UNC5C: variants seen among roughly 807,000 people sequenced by gnomAD.
UNC5C encodes the protein netrin receptor UNC5C.
Under a neutral mutation model 99.8 loss-of-function variants are expected in UNC5C, and 47 were observed. That is an observed-to-expected ratio of 0.47 (90% CI 0.37 to 0.60). UNC5C has a LOEUF of 0.60. Ranked by LOEUF, UNC5C falls within the 20% of genes least tolerant of loss-of-function variation. The pLI, the probability that UNC5C is intolerant of heterozygous loss-of-function variation, is 0.00. For synonymous variants in UNC5C, 487 were observed against 452.2 expected (o/e 1.08, Z -0.98); for missense variants, 1,062 against 1,165.9 (o/e 0.91, Z 1.30).
At chr4:95,512,018 G>T (rs543605434) in intron 1 of UNC5C, among the ~76,000 whole-genome samples, 5 of 152,142 alleles carry the variant, frequency 3.3e-5, no homozygotes, top group African/African-American at 1.2e-4. Flanking sequence ...TCAGACACTG[G>T]GCACCAAGTG....
At chr4:95,424,205 T>G (rs1272326039) in intron 1 of UNC5C, among the ~76,000 whole-genome samples, 1 of 152,036 alleles carries the variant, frequency 6.6e-6, no homozygotes, top group African/African-American at 2.4e-5. Context: ...TAAGATAACA[T>G]GAAAATAAAA....
intron 1 of UNC5C, among the ~76,000 whole-genome samples, chr4:95,442,467 C>G (rs1202596313): frequency 3.3e-5 from 5 of 150,584 alleles, no homozygotes. Context: ...CTTGGCCTCC[C>G]AAAGTGCTGG....
chr4:95,540,787 T>G (rs902866455), intron 1 of UNC5C, among the ~76,000 whole-genome samples: 1 of 152,214 alleles, frequency 6.6e-6, no homozygotes, highest in African/African-American at 2.4e-5. Flanking sequence ...TTACCATTAT[T>G]TACTTTGTAT....
chr4:95,307,250 A>C, intron 2 of UNC5C, among the ~76,000 whole-genome samples: 1 of 152,144 alleles, frequency 6.6e-6, no homozygotes, highest in African/African-American at 2.4e-5. Flanking sequence ...GTTTTAATTA[A>C]ATTTTTAATA....
intron 1 of UNC5C, among the ~76,000 whole-genome samples, chr4:95,403,378 G>T (rs1166882946): frequency 1.3e-5 from 2 of 152,086 alleles, no homozygotes; most frequent in African/African-American, 4.8e-5. Flanking sequence ...TCAGTAGCTG[G>T]GAGTCACACT....
chr4:95,197,274 C>G (rs1342595408), intron 12 of UNC5C, among the ~76,000 whole-genome samples: 1 of 151,522 alleles, frequency 6.6e-6, no homozygotes, highest in Non-Finnish European at 1.5e-5. Context: ...CTCTCCTGGA[C>G]TCATTCCCTG....
At chr4:95,205,001 G>A (rs1167909931) in intron 11 of UNC5C, among the ~76,000 whole-genome samples, 1 of 72,832 alleles carries the variant, frequency 1.4e-5, no homozygotes, top group East Asian at 2.4e-4. Context: ...GTTTATTCCA[G>A]TCCCAAAGGA....
chr4:95,510,597 G>A lies in UNC5C; in HGVS notation c.124+38137C>T, dbSNP rs188305103. 3.0e-3 allele frequency among the ~76,000 whole-genome samples: 462 copies of A among 152,026 alleles called. 1 individual carries two copies. Among genetic ancestry groups the A allele is most frequent in the Non-Finnish European group, 5.6e-3 (379 of 67,936 alleles). ...AATGGTTTTAATACATTCCTTTAAT[G>A]TTATTTAGTCCTTCAGAATTTATTA... On this transcript the variant is annotated intron_variant, in intron 1 of 15. Transcript: ENST00000453304.
intron 1 of UNC5C, among the ~76,000 whole-genome samples, chr4:95,517,595 G>T (rs1286771188): frequency 6.6e-6 from 1 of 152,130 alleles, no homozygotes; most frequent in Non-Finnish European, 1.5e-5. Flanking sequence ...ATACTGCAAA[G>T]ATATACTCTT....
intron 1 of UNC5C, among the ~76,000 whole-genome samples, chr4:95,541,426 G>A (rs975533261): frequency 6.6e-6 from 1 of 151,950 alleles, no homozygotes; most frequent in African/African-American, 2.4e-5. Flanking sequence ...ATCCATTGGG[G>A]GTCTTGGAAA....
At chr4:95,364,107 C>T (rs958469851) in intron 1 of UNC5C, among the ~76,000 whole-genome samples, 9 of 152,152 alleles carry the variant, frequency 5.9e-5, no homozygotes, top group African/African-American at 1.9e-4. Flanking sequence ...TCAACCATGC[C>T]GTGAAACTTT....
At chr4:95,210,327 C>A (rs1304150263) in intron 10 of UNC5C, among the ~76,000 whole-genome samples, 1 of 152,156 alleles carries the variant, frequency 6.6e-6, no homozygotes, top group African/African-American at 2.4e-5. Context: ...TGATAAGATT[C>A]TCTTATAGGC....
At chr4:95,481,467 T>A (rs113158022) in intron 1 of UNC5C, among the ~76,000 whole-genome samples, 53,411 of 151,152 alleles carry the variant, frequency 0.35, 10,467 homozygotes, top group Non-Finnish European at 0.45. Context: ...GCCATCCCCA[T>A]CAAGCTACCA....
intron 14 of UNC5C, among the ~76,000 whole-genome samples, chr4:95,177,949 C>T (rs1226927254): frequency 6.6e-6 from 1 of 151,792 alleles, no homozygotes; most frequent in Non-Finnish European, 1.5e-5. Flanking sequence ...CTCAAGTGAT[C>T]CTCCTAGCTC....
intron 4 of UNC5C, among the ~76,000 whole-genome samples, chr4:95,254,707 G>A (rs980914980): frequency 6.6e-6 from 1 of 152,124 alleles, no homozygotes; most frequent in Non-Finnish European, 1.5e-5. Context: ...TTTAGCTCTT[G>A]TCCTTATCAT....
At chr4:95,505,748 T>C (rs769066410) in intron 1 of UNC5C, among the ~76,000 whole-genome samples, 2 of 152,082 alleles carry the variant, frequency 1.3e-5, no homozygotes, top group Admixed American at 6.6e-5. Flanking sequence ...TATATCTAAC[T>C]GTAAAACTGC....
intron 1 of UNC5C, among the ~76,000 whole-genome samples, chr4:95,451,671 T>C (rs1426658301): frequency 6.6e-6 from 1 of 152,164 alleles, no homozygotes; most frequent in Non-Finnish European, 1.5e-5. Context: ...TGATGAAAAG[T>C]AATAAAATTC....
intron 1 of UNC5C, among the ~76,000 whole-genome samples, chr4:95,454,090 T>C (rs1022199734): frequency 1.3e-4 from 20 of 152,034 alleles, no homozygotes; most frequent in African/African-American, 4.8e-4. Context: ...GGGTGGTAGT[T>C]GCACAATATT....
intron 4 of UNC5C, among the ~76,000 whole-genome samples, chr4:95,264,855 T>C (rs541582658): frequency 6.6e-6 from 1 of 152,334 alleles, no homozygotes; most frequent in African/African-American, 2.4e-5. Flanking sequence ...CTGCTGTCTT[T>C]CCTGCCACTT....
Sources: gnomAD v4.1 joint callset for allele counts (sites outside exome capture counted in the v4.1 genomes callset) on GRCh38, gnomAD v4.1.1 for gene constraint, MANE v1.5 for transcripts, NCBI Gene and HGNC (gene_info 2026-07-23, HGNC 2026-07-21) for gene names.